Variants in NSD1 observed in about 807,000 individuals in gnomAD.
NSD1 encodes the protein nuclear receptor binding SET domain protein 1.
Under a neutral mutation model 242.7 loss-of-function variants are expected in NSD1, and 26 were observed. The ratio of observed to expected loss-of-function variants is 0.11; its 90% CI spans 0.08 to 0.15. The LOEUF (loss-of-function observed/expected upper bound fraction) is 0.15, where lower values mean the gene tolerates loss of function less well. Ranked by LOEUF, NSD1 falls within the 10% of genes least tolerant of loss-of-function variation. NSD1 has a pLI of 1.00. For missense variants in NSD1, 2,495 were observed against 3,272.8 expected (o/e 0.76, Z 5.80); for synonymous variants, 1,106 against 1,178.1 (o/e 0.94, Z 1.25).
intron 2 of NSD1, among the ~76,000 whole-genome samples, chr5:177,145,205 T>C (rs1757135492): frequency 6.6e-6 from 1 of 152,086 alleles, no homozygotes; most frequent in African/African-American, 2.4e-5. Context: ...GTCTCTTCTC[T>C]CTACACACCC....
intron 17 of NSD1, among the ~76,000 whole-genome samples, chr5:177,277,245 A>G (rs1460784875): frequency 1.3e-5 from 2 of 151,954 alleles, no homozygotes; most frequent in Non-Finnish European, 2.9e-5. Flanking sequence ...CTCTTGAACT[A>G]CAGGTTGTTT....
chr5:177,213,622 C>T (rs1161413867), intron 5 of NSD1, among the ~76,000 whole-genome samples: 1 of 152,224 alleles, frequency 6.6e-6, no homozygotes, highest in Non-Finnish European at 1.5e-5. Context: ...CGCCCGCCAC[C>T]ACACCCAGCT....
intron 19 of NSD1, 112 bp from the exon 20 acceptor site, chr5:177,283,675 G>T: frequency 8.2e-7 from 1 of 1,212,666 alleles, no homozygotes. Flanking sequence ...TTTTCTCTGA[G>T]AGGTTCAGTC....
Position 177,210,124 on chromosome 5 carries a change from A to C in NSD1, c.1725A>C (p.Lys575Asn), listed in dbSNP as rs866705687. The C allele has an allele frequency of 6.2e-7, 1 of 1,613,508 alleles. No homozygotes were observed. The highest frequency in any genetic ancestry group is 1.3e-5 in the African/African-American group (1 of 75,020). The change falls in exon 5 of 23, where the codon AAA becomes AAC. Residue 575 changes from lysine (K) to asparagine (N), a missense_variant. Lys to Asn is a moderately conservative substitution (Grantham distance 94). Around this residue, in one of 19 missense-constraint regions of NSD1, gnomAD observed 515 missense variants for 467.0 expected, o/e 1.10. Transcript: ENST00000439151. ...PGSFLFSSCG[K>N]NTAKKEFETS... is the part of the protein sequence containing the mutation. ...GTTTTCTGTTTTCTTCCTGTGGAAA[A>C]AACACTGCAAAGAAAGAATTTGAGA...
rs1759866097 is a variant in NSD1, at chr5:177,291,922, A to C, written c.6259-32A>C. ...TTAAGATTGGTACTAATGTGTTCAC[A>C]GAATGCTGACTGTTCAATATCTGAC... On this transcript the variant is annotated intron_variant, in intron 21 of 22. Transcript: ENST00000439151. The C allele has an allele frequency of 1.9e-6, 3 of 1,601,000 alleles. No homozygotes were observed. In the South Asian group the frequency reaches 3.3e-5, roughly 18 times the overall value.
chr5:177,194,076 T>G (rs2149823773), intron 3 of NSD1, among the ~76,000 whole-genome samples: 1 of 152,210 alleles, frequency 6.6e-6, no homozygotes, highest in South Asian at 2.1e-4. Context: ...CACACCTGGC[T>G]GATATTAATA....
intron 5 of NSD1, among the ~76,000 whole-genome samples, chr5:177,228,764 T>C (rs1286817332): frequency 1.3e-5 from 2 of 152,210 alleles, no homozygotes; most frequent in African/African-American, 2.4e-5. Context: ...ATTTTACTTT[T>C]TAAAATTAAC....
intron 14 of NSD1, among the ~76,000 whole-genome samples, chr5:177,264,558 A>G (rs1757263042): frequency 6.6e-6 from 1 of 152,218 alleles, no homozygotes; most frequent in African/African-American, 2.4e-5. Flanking sequence ...ACATTTCCAA[A>G]TGTAATCTTA....
At chr5:177,270,041 G>C (rs1757826110) in intron 16 of NSD1, among the ~76,000 whole-genome samples, 1 of 152,076 alleles carries the variant, frequency 6.6e-6, no homozygotes, top group African/African-American at 2.4e-5. Context: ...CTTATCAGTT[G>C]TTTTGTCAGC....
In NSD1 at chr5:177,188,139, G is replaced by T. The variant is rs1282172478; in HGVS notation, c.928-3745G>T. Among the ~76,000 whole-genome samples, 4 of 152,274 alleles carry T rather than the reference G, an allele frequency of 2.6e-5. No homozygotes were observed. In the East Asian group the frequency reaches 7.7e-4, roughly 29 times the overall value. On this transcript the variant is annotated intron_variant, in intron 2 of 22. Transcript: ENST00000439151. ...GTCTTTGTGTGTCTTGTTGAGCTTT[G>T]TACATAGGTGTTTACTAAGTTTGTG...
intron 2 of NSD1, among the ~76,000 whole-genome samples, chr5:177,152,364 T>A (rs898750912): frequency 6.6e-6 from 1 of 151,750 alleles, no homozygotes; most frequent in Non-Finnish European, 1.5e-5. Context: ...TATGTATGTT[T>A]GTATATATTT....
At chr5:177,236,245 A>G (rs1401367699) in intron 6 of NSD1, among the ~76,000 whole-genome samples, 1 of 152,200 alleles carries the variant, frequency 6.6e-6, no homozygotes, top group African/African-American at 2.4e-5. Context: ...TGAAATATAT[A>G]TAGTCTGACC....
intron 2 of NSD1, among the ~76,000 whole-genome samples, chr5:177,162,801 A>G (rs902965367): frequency 1.3e-5 from 2 of 152,088 alleles, no homozygotes; most frequent in Non-Finnish European, 2.9e-5. Context: ...CCTCCTGAGT[A>G]GCTGGCACAG....
At chr5:177,239,722 TAA>T in intron 7 of NSD1, 32 bp from the exon 8 acceptor site, 1 of 1,289,556 alleles carries the variant, frequency 7.8e-7, no homozygotes, top group Non-Finnish European at 1.1e-6. Flanking sequence ...GCCCAGTTTC[TAA>T]ATCATCTAAT....
At chr5:177,171,539 G>A (rs1188122651) in intron 2 of NSD1, among the ~76,000 whole-genome samples, 1 of 152,104 alleles carries the variant, frequency 6.6e-6, no homozygotes, top group Non-Finnish European at 1.5e-5. Context: ...ATACTTCATT[G>A]TATGGATATT....
At chr5:177,292,872 A>G (rs935046638) in intron 22 of NSD1, among the ~76,000 whole-genome samples, 4 of 152,208 alleles carry the variant, frequency 2.6e-5, no homozygotes, top group African/African-American at 7.2e-5. Flanking sequence ...AGAAACCAGT[A>G]GGGAGCCATT....
chr5:177,168,587 A>G (rs1277845881), intron 2 of NSD1, among the ~76,000 whole-genome samples: 2 of 151,570 alleles, frequency 1.3e-5, no homozygotes, highest in Non-Finnish European at 2.9e-5. Flanking sequence ...CACCCTCCCA[A>G]GTAGCTGGGA....
intron 14 of NSD1, among the ~76,000 whole-genome samples, chr5:177,261,299 CT>C (rs140828014): frequency 0.054 from 7,129 of 132,338 alleles, 193 homozygotes; most frequent in Middle Eastern, 0.098. Flanking sequence ...AGGCTGGTCT[CT>C]TAACTTCTGA....
intron 2 of NSD1, among the ~76,000 whole-genome samples, chr5:177,161,273 TTGGG>T (rs1758723832): frequency 6.6e-6 from 1 of 151,846 alleles, no homozygotes; most frequent in African/African-American, 2.4e-5. Context: ...TCCCAGCTAC[TTGGG>T]TGGTTGAGGT....
Sources: gnomAD v4.1 joint callset for allele counts (sites outside exome capture counted in the v4.1 genomes callset) on GRCh38, gnomAD v4.1.1 for gene constraint, gnomAD v4.1.1 regional missense constraint, MANE v1.5 for transcripts, NCBI Gene and HGNC (gene_info 2026-07-23, HGNC 2026-07-21) for gene names.